TFDP1: variants seen among roughly 807,000 people sequenced by gnomAD.
The protein encoded by TFDP1 is DRTF1-polypeptide 1.
Under a neutral mutation model 48.0 loss-of-function variants are expected in TFDP1, and 6 were observed. The observed-to-expected ratio is 0.13, with a 90% CI of 0.07 to 0.25. TFDP1 has a LOEUF of 0.25. Among genes scored for constraint, TFDP1 ranks in the 10% least tolerant of loss-of-function variants. The pLI, the probability that TFDP1 is intolerant of heterozygous loss-of-function variation, is 1.00. For missense variants in TFDP1, 335 were observed against 543.0 expected (o/e 0.62, Z 3.81); for synonymous variants, 201 against 211.6 (o/e 0.95, Z 0.44).
chr13:113,631,889 C>T, intron 5 of TFDP1, 145 bp downstream of exon 5: 1 of 1,196,522 alleles, frequency 8.4e-7, no homozygotes, highest in Non-Finnish European at 1.2e-6. Flanking sequence ...ACTCACCCAT[C>T]ATCGTGGCCT....
At chr13:113,594,744 C>T (rs1019346555) in intron 2 of TFDP1, among the ~76,000 whole-genome samples, 5 of 152,210 alleles carry the variant, frequency 3.3e-5, no homozygotes, top group African/African-American at 9.7e-5. Context: ...GCTTTTCTGT[C>T]GCAGTTGCTT....
intron 2 of TFDP1, among the ~76,000 whole-genome samples, chr13:113,594,745 G>A (rs1400733971): frequency 2.0e-5 from 3 of 152,230 alleles, no homozygotes; most frequent in East Asian, 1.9e-4. Context: ...CTTTTCTGTC[G>A]CAGTTGCTTT....
chr13:113,611,408 G>A (rs1488088664), intron 3 of TFDP1, among the ~76,000 whole-genome samples: 3 of 152,216 alleles, frequency 2.0e-5, no homozygotes, highest in South Asian at 2.1e-4. Context: ...TCCAGAGGCC[G>A]GCCTCACCTG....
intron 2 of TFDP1, among the ~76,000 whole-genome samples, chr13:113,600,921 TG>T (rs1208985935): frequency 6.6e-6 from 1 of 150,656 alleles, no homozygotes; most frequent in East Asian, 2.0e-4. Context: ...TCCTCGCACG[TG>T]GGGCTCCAGG....
At chr13:113,616,907 G>A (rs557218981) in intron 3 of TFDP1, among the ~76,000 whole-genome samples, 218 of 152,270 alleles carry the variant, frequency 1.4e-3, no homozygotes, top group Non-Finnish European at 2.1e-3. Flanking sequence ...GTATTTCTCT[G>A]TTTTTAACCC....
At chr13:113,619,383 A>G (rs1488342020) in intron 3 of TFDP1, among the ~76,000 whole-genome samples, 1 of 151,492 alleles carries the variant, frequency 6.6e-6, no homozygotes, top group Non-Finnish European at 1.5e-5. Context: ...AGGCAGGGGA[A>G]TCGCTGGAAC....
chr13:113,619,519 A>G (rs2048946394), intron 3 of TFDP1, among the ~76,000 whole-genome samples: 2 of 148,424 alleles, frequency 1.3e-5, no homozygotes, highest in Admixed American at 6.7e-5. Context: ...CCACCCACCC[A>G]GGTCTGGCCC....
At chr13:113,624,338 G>A (rs553836411) in intron 4 of TFDP1, among the ~76,000 whole-genome samples, 2 of 147,322 alleles carry the variant, frequency 1.4e-5, no homozygotes, top group African/African-American at 2.5e-5. Flanking sequence ...CGTGTCTCTC[G>A]GGTGTCCTCA....
intron 2 of TFDP1, among the ~76,000 whole-genome samples, chr13:113,602,175 T>C (rs746901410): frequency 4.9e-5 from 7 of 141,806 alleles, no homozygotes; most frequent in South Asian, 2.2e-4. Context: ...CCCACAGGAG[T>C]CGAGGGAGGA....
chr13:113,637,692 C>A (rs570497029), intron 10 of TFDP1, 126 bp from the exon 11 acceptor site: 1 of 1,563,372 alleles, frequency 6.4e-7, no homozygotes, highest in Non-Finnish European at 8.6e-7. Context: ...ACTGGACAAG[C>A]GAAGGATATC....
rs1006100255 is a variant in TFDP1, at chr13:113,607,178, C to T, written c.13-3818C>T. Among the ~76,000 whole-genome samples, 3 of 152,302 alleles carry T rather than the reference C, an allele frequency of 2.0e-5. No individual in the cohort carries two copies. The highest frequency in any genetic ancestry group is 3.4e-3 in the Middle Eastern group (1 of 294). ...CTGGCCCCTGACAGAGCCGTGCAGG[C>T]GGCAGCGGCAGCACTGTTGCTGCGG... On this transcript the variant is annotated intron_variant, in intron 2 of 11. Coordinates refer to ENST00000375370, the MANE Select transcript of TFDP1 (RefSeq NM_007111.5). This position sits in a 1 kb window ranked among gnomAD's most constrained non-coding sequence, Gnocchi z 5.2.
Position 113,607,214 on chromosome 13 carries a change from G to A in TFDP1, c.13-3782G>A, listed in dbSNP as rs1372086424. On this transcript the variant is annotated intron_variant, in intron 2 of 11. Transcript: ENST00000375370. The surrounding 1 kb of genome is among the most constrained non-coding windows in gnomAD (Gnocchi z 5.2). ...GCACTGTTGCTGCGGCTGAGACAGC[G>A]CAGGGCGTCATTCATCCCCCTGCCT... Among the ~76,000 whole-genome samples the A allele has an allele frequency of 6.6e-6, 1 of 152,212 alleles. No individual in the cohort carries two copies. The highest frequency in any genetic ancestry group is 1.9e-4 in the East Asian group (1 of 5,196).
intron 11 of TFDP1, among the ~76,000 whole-genome samples, chr13:113,639,416 T>C (rs558447710): frequency 6.6e-6 from 1 of 152,356 alleles, no homozygotes; most frequent in South Asian, 2.1e-4. Context: ...AAAGGACATC[T>C]AGGTAGTTCC....
chr13:113,625,224 C>T (rs2049111455), intron 4 of TFDP1, among the ~76,000 whole-genome samples: 1 of 130,100 alleles, frequency 7.7e-6, no homozygotes, highest in South Asian at 2.6e-4. Context: ...TCTCAGGTGT[C>T]TCTCACATGT....
chr13:113,592,231 C>T (rs2140282573), intron 2 of TFDP1, among the ~76,000 whole-genome samples: 2 of 152,376 alleles, frequency 1.3e-5, no homozygotes, highest in South Asian at 4.1e-4. Context: ...TCTTGGCTCA[C>T]CACAACCTCT....
intron 2 of TFDP1, among the ~76,000 whole-genome samples, chr13:113,590,201 G>T (rs553833749): frequency 1.3e-5 from 2 of 152,184 alleles, no homozygotes; most frequent in Admixed American, 1.3e-4. Context: ...CGGTATTCAC[G>T]TGCCTTGGTT....
intron 3 of TFDP1, among the ~76,000 whole-genome samples, chr13:113,615,968 C>T (rs751762452): frequency 5.9e-5 from 9 of 151,768 alleles, no homozygotes; most frequent in Admixed American, 4.6e-4. Context: ...TTTGGGAGGC[C>T]GAGGCAGGTG....
chr13:113,602,985 A>AAAACC (rs58126506), intron 2 of TFDP1, among the ~76,000 whole-genome samples: 2 of 146,964 alleles, frequency 1.4e-5, no homozygotes, highest in African/African-American at 5.1e-5. Flanking sequence ...AAAAAAAAAA[A>AAAACC]ACGTATAATT....
Position 113,636,137 on chromosome 13 carries a change from T to G in TFDP1, c.839+9T>G. On this transcript the variant is annotated intron_variant, in intron 9 of 11. Transcript: ENST00000375370. The stretch of plus-strand genomic sequence containing the variant: ...AGCATCTCCAATGACAAGTAGGTTG[T>G]GGGCGGGGAGCTGTTCCCTGGTCAC... 1 of 1,613,976 alleles carries G rather than the reference T, an allele frequency of 6.2e-7. No individual in the cohort carries two copies.
Sources: gnomAD v4.1 joint callset for allele counts (sites outside exome capture counted in the v4.1 genomes callset) on GRCh38, gnomAD v4.1.1 for gene constraint, Gnocchi (gnomAD v3.1) non-coding constraint, MANE v1.5 for transcripts, NCBI Gene and HGNC (gene_info 2026-07-23, HGNC 2026-07-21) for gene names.